The following FAAP20 variants were observed in gnomAD, a reference collection of about 807,000 sequenced individuals.
The protein encoded by FAAP20 is FA core complex associated protein 20, also known as Fanconi anemia core complex-associated protein 20.
FAAP20 carries 12 observed loss-of-function variants against 16.2 expected under a neutral mutation model. The ratio of observed to expected loss-of-function variants is 0.74; its 90% CI spans 0.48 to 1.20. The LOEUF is 1.20. FAAP20 is among the 50% of genes most tolerant of loss of function. The probability of loss-of-function intolerance (pLI) is 0.00; values close to 1 mark genes in which losing one functional copy is unlikely to be tolerated. For synonymous variants in FAAP20, 141 were observed against 110.7 expected (o/e 1.27, Z -1.72); for missense variants, 288 against 245.8 (o/e 1.17, Z -1.15).
At chr1:2,190,120 C>G (rs774651562) in intron 3 of FAAP20, 16 of 529,478 alleles carry the variant, frequency 3.0e-5, no homozygotes, top group Non-Finnish European at 4.7e-5. Flanking sequence ...GCGGCCTGAC[C>G]CGGAGAAAAG....
At chr1:2,204,485 G>T (rs1379968225), upstream of FAAP20, among the ~76,000 whole-genome samples, 1 of 152,242 alleles carries the variant, frequency 6.6e-6, no homozygotes, top group Non-Finnish European at 1.5e-5. Flanking sequence ...AAGCCGCCAG[G>T]CCACGTGGGG....
chr1:2,200,957 C>T (rs540264032), upstream of FAAP20: 60 of 1,212,768 alleles, frequency 4.9e-5, no homozygotes, highest in Admixed American at 4.0e-4. Context: ...CAGTTCAGCA[C>T]GTTTTTATGG....
upstream of FAAP20, among the ~76,000 whole-genome samples, chr1:2,196,166 C>T (rs962172677): frequency 6.6e-6 from 1 of 152,328 alleles, no homozygotes; most frequent in Middle Eastern, 3.4e-3. This position sits in a 1 kb window ranked among gnomAD's most constrained non-coding sequence, Gnocchi z 4.5. Context: ...GTCCTGGCTG[C>T]CCTGGCTTCA....
chr1:2,185,284 G>C (rs11553732), downstream of FAAP20: 2 of 717,802 alleles, frequency 2.8e-6, no homozygotes, highest in Non-Finnish European at 5.2e-6. Context: ...GCTGTCATGC[G>C]GTTTCCAAGG....
chr1:2,185,599 G>A (rs1022458619), downstream of FAAP20: 30 of 690,280 alleles, frequency 4.3e-5, no homozygotes, highest in Middle Eastern at 7.5e-4. Flanking sequence ...TGTCCCAGCC[G>A]CTGTGGTCTA....
At chr1:2,199,117 A>G, upstream of FAAP20, 1 of 1,188,274 alleles carries the variant, frequency 8.4e-7, no homozygotes, top group Non-Finnish European at 1.1e-6. The surrounding 1 kb of genome is among the most constrained non-coding windows in gnomAD (Gnocchi z 4.5). Context: ...GCAGCTGGGG[A>G]GGGCCCTGGC....
At chr1:2,189,941 A>C (rs1687991074) in intron 3 of FAAP20, 160 bp from the exon 4 acceptor site, 2 of 658,674 alleles carry the variant, frequency 3.0e-6, no homozygotes, top group Admixed American at 4.3e-5. Context: ...TGCACCCGGC[A>C]GACCACGGTA....
At chr1:2,189,910 C>T (rs1030743495) in intron 3 of FAAP20, 129 bp from the exon 4 acceptor site, 16 of 749,454 alleles carry the variant, frequency 2.1e-5, no homozygotes, top group East Asian at 1.3e-4. Flanking sequence ...AAACAAGGGA[C>T]GGGGCCACCC....
chr1:2,206,254 C>G (rs1231171690), intron 3 of FAAP20: 1 of 152,290 alleles, frequency 6.6e-6, no homozygotes, highest in Non-Finnish European at 1.5e-5. Context: ...ACGGGCCATA[C>G]GGGGTCCCCC....
At chr1:2,206,250 C>T (rs944520274) in intron 3 of FAAP20, 1 of 152,298 alleles carries the variant, frequency 6.6e-6, no homozygotes, top group African/African-American at 2.4e-5. Context: ...TCTAACGGGC[C>T]ATACGGGGTC....
chr1:2,199,631 G>T, upstream of FAAP20: 1 of 985,798 alleles, frequency 1.0e-6, no homozygotes, highest in African/African-American at 1.7e-5. This position sits in a 1 kb window ranked among gnomAD's most constrained non-coding sequence, Gnocchi z 4.5. Context: ...GAGCACTGTG[G>T]GTTGAGCAGC....
chr1:2,187,159 CA>C (rs1687689589), downstream of FAAP20: 1 of 471,260 alleles, frequency 2.1e-6, no homozygotes, highest in African/African-American at 2.0e-5. Context: ...GGATGACACT[CA>C]CCCTTGACTG....
At chr1:2,212,706 G>A (rs975878602), upstream of FAAP20, 3 of 286,442 alleles carry the variant, frequency 1.0e-5, no homozygotes, top group South Asian at 3.0e-5. Flanking sequence ...TCTGAAAAGC[G>A]AGGCATCCAT....
At chr1:2,208,922 G>A (rs1427322326), downstream of FAAP20, among the ~76,000 whole-genome samples, 1 of 152,238 alleles carries the variant, frequency 6.6e-6, no homozygotes, top group Non-Finnish European at 1.5e-5. Flanking sequence ...GAAGTGGAGG[G>A]ATGGGGAGTC....
chr1:2,205,488 C>G (rs530102813), intron 3 of FAAP20, among the ~76,000 whole-genome samples: 4 of 151,968 alleles, frequency 2.6e-5, no homozygotes, highest in African/African-American at 9.6e-5. Context: ...GCCGCTCGTT[C>G]TGCGACCTCC....
At chr1:2,208,089 G>C (rs1357525773), downstream of FAAP20, among the ~76,000 whole-genome samples, 1 of 152,178 alleles carries the variant, frequency 6.6e-6, no homozygotes, top group Non-Finnish European at 1.5e-5. Context: ...GGTGTTTTCT[G>C]CAGGGGAAAC....
At chr1:2,192,566 G>T in intron 3 of FAAP20, 2 of 1,040,368 alleles carry the variant, frequency 1.9e-6, no homozygotes, top group Non-Finnish European at 2.3e-6. Flanking sequence ...CAGCAACAAG[G>T]ATCTCAGAGC....
downstream of FAAP20, chr1:2,185,083 C>T: frequency 7.2e-7 from 1 of 1,395,748 alleles, no homozygotes; most frequent in South Asian, 1.2e-5. Context: ...CATATGCATG[C>T]CAGGCTGGGC....
chr1:2,188,313 C>G (rs1045912820), downstream of FAAP20, among the ~76,000 whole-genome samples: 2 of 152,256 alleles, frequency 1.3e-5, no homozygotes, highest in Non-Finnish European at 2.9e-5. Context: ...CCCACTGCTG[C>G]TGTCCTTCCC....
Sources: allele counts gnomAD v4.1 joint callset (sites outside exome capture counted in the v4.1 genomes callset), GRCh38; gene constraint gnomAD v4.1.1; non-coding constraint Gnocchi (gnomAD v3.1); transcripts MANE v1.5; gene names NCBI Gene and HGNC (gene_info 2026-07-23, HGNC 2026-07-21).